The following SYT14 variants were observed in gnomAD, a reference collection of about 807,000 sequenced individuals.
SYT14 encodes the protein synaptotagmin 14, also known as synaptotagmin-14.
Under a neutral mutation model 74.2 loss-of-function variants are expected in SYT14, and 32 were observed. That is an observed-to-expected ratio of 0.43 (90% CI 0.33 to 0.58). The LOEUF (loss-of-function observed/expected upper bound fraction) is 0.58. Among genes scored for constraint, SYT14 ranks in the 20% least tolerant of loss-of-function variants. The pLI is 0.05. For missense variants in SYT14, 791 were observed against 981.8 expected, an observed-to-expected ratio of 0.81 and a Z score of 2.60; for synonymous variants, 298 against 337.7, an observed-to-expected ratio of 0.88 and a Z score of 1.29.
intron 7 of SYT14, among the ~76,000 whole-genome samples, chr1:210,125,868 T>C (rs779068874): frequency 6.6e-6 from 1 of 152,220 alleles, no homozygotes; most frequent in Non-Finnish European, 1.5e-5. Flanking sequence ...TTTCTTAACA[T>C]ATAATGTCTA....
intron 5 of SYT14, among the ~76,000 whole-genome samples, chr1:210,026,799 A>ATTGT (rs1553267834): frequency 2.0e-5 from 3 of 151,384 alleles, no homozygotes; most frequent in African/African-American, 7.3e-5. Flanking sequence ...AGAGTAATAG[A>ATTGT]TTGTTTATAT....
At chr1:210,125,613 T>A (rs2082554307) in intron 7 of SYT14, among the ~76,000 whole-genome samples, 1 of 152,194 alleles carries the variant, frequency 6.6e-6, no homozygotes, top group African/African-American at 2.4e-5. Context: ...AGAACTAGCC[T>A]AAACCTTGCT....
At chr1:210,148,139 A>G (rs545699242) in intron 7 of SYT14, among the ~76,000 whole-genome samples, 1 of 152,344 alleles carries the variant, frequency 6.6e-6, no homozygotes, top group East Asian at 1.9e-4. Flanking sequence ...AAGCATAATT[A>G]AAATTGGAAA....
At chr1:210,039,096 A>G (rs953824769) in intron 5 of SYT14, among the ~76,000 whole-genome samples, 2 of 152,030 alleles carry the variant, frequency 1.3e-5, no homozygotes, top group African/African-American at 4.8e-5. Context: ...GGCTTTGTTC[A>G]TGTTTTAAAT....
At chr1:210,164,304 A>G (rs995893244) in exon 10 of SYT14, 5 of 245,610 alleles carry the variant, frequency 2.0e-5, no homozygotes, top group African/African-American at 1.1e-4. Context: ...AAGAAAACCC[A>G]ATGAGAAAAT....
In SYT14 at chr1:210,130,060, C is replaced by T. The variant is rs184520594; in HGVS notation, c.2035-25661C>T. 4.5e-4 allele frequency among the ~76,000 whole-genome samples: 68 copies of T among 152,310 alleles called. 1 individual carries two copies. In the East Asian group the frequency reaches 0.012, roughly 27 times the overall value. On this transcript the variant is annotated intron_variant, in intron 7 of 9. Transcript: ENST00000637265. The stretch of plus-strand genomic sequence containing the variant: ...CACTGTTGAGTTCTGAAATATCTGT[C>T]GGGTCTGACCATAGACTTAACATGA...
chr1:209,943,541 A>G (rs1272276879), intron 1 of SYT14, among the ~76,000 whole-genome samples: 2 of 148,894 alleles, frequency 1.3e-5, no homozygotes, highest in African/African-American at 5.0e-5. Flanking sequence ...AAAAAAAGAG[A>G]ATGCAGCAGT....
intron 5 of SYT14, among the ~76,000 whole-genome samples, chr1:210,040,608 G>T (rs985577949): frequency 6.6e-6 from 1 of 152,010 alleles, no homozygotes; most frequent in South Asian, 2.1e-4. Flanking sequence ...ATAAATAAAT[G>T]GACGTAGGAT....
chr1:210,040,213 T>A (rs2080757544), intron 5 of SYT14, among the ~76,000 whole-genome samples: 2 of 152,152 alleles, frequency 1.3e-5, no homozygotes, highest in African/African-American at 4.8e-5. Flanking sequence ...TTCATGTCCT[T>A]TGCAGGGACA....
chr1:210,054,703 CTG>C (rs1193389526), intron 5 of SYT14, among the ~76,000 whole-genome samples: 2 of 152,176 alleles, frequency 1.3e-5, no homozygotes, highest in African/African-American at 4.8e-5. Flanking sequence ...GTGTTTATAA[CTG>C]TTGTCTCTTA....
chr1:210,018,193 G>T (rs1051006168), intron 4 of SYT14, among the ~76,000 whole-genome samples: 1 of 152,188 alleles, frequency 6.6e-6, no homozygotes, highest in Admixed American at 6.5e-5. Context: ...GATTGCAGTG[G>T]TGCAATCTCG....
chr1:209,989,468 T>A (rs1257513269), intron 2 of SYT14, among the ~76,000 whole-genome samples: 1 of 152,224 alleles, frequency 6.6e-6, no homozygotes, highest in Non-Finnish European at 1.5e-5. Flanking sequence ...TACATTTACC[T>A]TAAGGAAAGG....
At position 210,155,707 on chromosome 1, in the gene SYT14, A is replaced by G. The variant is rs772448647; in HGVS notation, c.2035-14A>G. 2.5e-6 allele frequency: 4 copies of G among 1,613,494 alleles called. No homozygotes were observed. The highest frequency in any genetic ancestry group is 3.4e-6 in the Non-Finnish European group (4 of 1,179,688). On this transcript the variant is annotated splice_polypyrimidine_tract_variant and intron_variant, in intron 7 of 9. Coordinates refer to ENST00000637265, the Ensembl canonical transcript of SYT14. ...TCTTGCAAAATACTATAAAAATGTT[A>G]TTATTGATTACAGGGCTGTGACTCC...
intron 1 of SYT14, among the ~76,000 whole-genome samples, chr1:209,944,185 A>G (rs1461433785): frequency 6.6e-6 from 1 of 152,336 alleles, no homozygotes; most frequent in East Asian, 1.9e-4. Flanking sequence ...GATCTGGTGC[A>G]GAAGTAAAAA....
intron 5 of SYT14, among the ~76,000 whole-genome samples, chr1:210,056,640 C>T (rs957095853): frequency 7.9e-6 from 1 of 126,066 alleles, no homozygotes; most frequent in Non-Finnish European, 1.6e-5. Flanking sequence ...ATGATGAAAC[C>T]CCGTCTCTAC....
chr1:209,981,726 G>T (rs1045996774), intron 2 of SYT14, among the ~76,000 whole-genome samples: 2 of 151,976 alleles, frequency 1.3e-5, no homozygotes, highest in Non-Finnish European at 2.9e-5. Flanking sequence ...AAAGTGTTGG[G>T]ATTATAGATG....
Position 210,100,072 on chromosome 1 carries a change from G to A in SYT14, c.1645G>A (p.Ala549Thr), listed in dbSNP as rs1252429778. 5.0e-6 allele frequency: 8 copies of A among 1,614,010 alleles called. No homozygotes were observed. The highest frequency in any genetic ancestry group is 6.8e-6 in the Non-Finnish European group (8 of 1,180,012). The change falls in exon 7 of 10, where the codon GCT (alanine) becomes ACT (threonine). Residue 549 changes from alanine to threonine, a missense_variant. Physicochemically the swap from Ala to Thr is moderately conservative, Grantham distance 58 (BLOSUM62 0). Coordinates refer to ENST00000637265, the Ensembl canonical transcript of SYT14. ...TAAACCTTTTGATCCTGAGCCAGAA[G>A]CTAAATATGGCACACTGGATGTGAC...
At chr1:209,971,149 T>C (rs916658834) in intron 2 of SYT14, among the ~76,000 whole-genome samples, 8 of 152,184 alleles carry the variant, frequency 5.3e-5, no homozygotes, top group African/African-American at 1.9e-4. Flanking sequence ...ATGTGGCTAT[T>C]ATGAAAGAGA....
chr1:209,945,643 G>GCGCTA (rs781153338), intron 1 of SYT14, among the ~76,000 whole-genome samples: 1 of 152,216 alleles, frequency 6.6e-6, no homozygotes, highest in Non-Finnish European at 1.5e-5. Flanking sequence ...TTCTAAAGTA[G>GCGCTA]CCTTTCAGTG....
Sources: allele counts gnomAD v4.1 joint callset (sites outside exome capture counted in the v4.1 genomes callset), GRCh38; gene constraint gnomAD v4.1.1; transcripts MANE v1.5; gene names NCBI Gene and HGNC (gene_info 2026-07-23, HGNC 2026-07-21).